The following CSMD1 variants were observed in gnomAD, a reference collection of about 807,000 sequenced individuals.
CSMD1 encodes CUB and Sushi multiple domains 1.
A neutral mutation model predicts 417.5 loss-of-function variants in CSMD1; 213 were observed. The observed-to-expected ratio is 0.51, with a 90% CI of 0.46 to 0.57. CSMD1 has a LOEUF of 0.57. Among genes scored for constraint, CSMD1 ranks in the 20% least tolerant of loss-of-function variants. The pLI is 0.00. For synonymous variants in CSMD1, 2,862 were observed against 1,736.8 expected, an observed-to-expected ratio of 1.65 and a Z score of -16.11; for missense variants, 6,923 against 4,529.7, an observed-to-expected ratio of 1.53 and a Z score of -15.17.
chr8:3,457,448 T>A (rs559864373), intron 12 of CSMD1, among the ~76,000 whole-genome samples: 2 of 152,260 alleles, frequency 1.3e-5, no homozygotes, highest in South Asian at 4.1e-4. Context: ...GAAACGGAGC[T>A]CCACATGCTC....
At chr8:3,990,871 C>T (rs1388302310) in intron 5 of CSMD1, among the ~76,000 whole-genome samples, 1 of 152,112 alleles carries the variant, frequency 6.6e-6, no homozygotes, top group African/African-American at 2.4e-5. Context: ...CACAGAGAGC[C>T]ACCTTCTTTG....
At chr8:4,075,635 A>C (rs1349325337) in intron 3 of CSMD1, among the ~76,000 whole-genome samples, 1 of 152,180 alleles carries the variant, frequency 6.6e-6, no homozygotes, top group Non-Finnish European at 1.5e-5. Context: ...TATAACTCAC[A>C]CTGTGTTGGG....
chr8:4,351,880 T>A (rs532201648), intron 3 of CSMD1, among the ~76,000 whole-genome samples: 22 of 151,712 alleles, frequency 1.5e-4, no homozygotes, highest in Admixed American at 2.6e-4. Flanking sequence ...AGGACTTGTA[T>A]GTGGATTACG....
At chr8:4,060,105 G>A (rs567517775) in intron 3 of CSMD1, among the ~76,000 whole-genome samples, 3 of 152,154 alleles carry the variant, frequency 2.0e-5, no homozygotes, top group African/African-American at 2.4e-5. Context: ...ATGATCAAGT[G>A]GGCTTCATCC....
chr8:4,956,250 T>A (rs1809102594), intron 1 of CSMD1, among the ~76,000 whole-genome samples: 1 of 151,920 alleles, frequency 6.6e-6, no homozygotes, highest in African/African-American at 2.4e-5. Flanking sequence ...ACTCGCTATT[T>A]TTTTTTAATT....
At chr8:3,611,955 AT>A (rs963232412) in intron 8 of CSMD1, among the ~76,000 whole-genome samples, 2 of 152,140 alleles carry the variant, frequency 1.3e-5, no homozygotes, top group African/African-American at 4.8e-5. Context: ...TCATTTGCCA[AT>A]TTTTGTTATA....
At chr8:3,299,574 A>T (rs1804235607) in intron 25 of CSMD1, among the ~76,000 whole-genome samples, 1 of 152,112 alleles carries the variant, frequency 6.6e-6, no homozygotes, top group Non-Finnish European at 1.5e-5. Context: ...AGATAAAAGC[A>T]CGCCACCATA....
At chr8:4,115,562 T>C (rs995630710) in intron 3 of CSMD1, among the ~76,000 whole-genome samples, 27 of 152,204 alleles carry the variant, frequency 1.8e-4, no homozygotes, top group Admixed American at 1.4e-3. Context: ...ATTTATTATT[T>C]GGCTAATAAG....
intron 26 of CSMD1, among the ~76,000 whole-genome samples, chr8:3,270,792 A>T (rs895609544): frequency 6.6e-6 from 1 of 152,220 alleles, no homozygotes. Context: ...TGATAAAGAC[A>T]TACCCAAGAC....
intron 4 of CSMD1, among the ~76,000 whole-genome samples, chr8:4,005,306 A>G (rs955863225): frequency 5.3e-5 from 8 of 152,188 alleles, no homozygotes; most frequent in African/African-American, 9.7e-5. Context: ...AATAATAAAA[A>G]AAGTTTCAAG....
rs181236173 is a variant in CSMD1 at position 4,937,783 on chromosome 8, T to G, written c.85+56549A>C. On this transcript the variant is annotated intron_variant, in intron 1 of 69. Coordinates refer to ENST00000635120, the MANE Select transcript of CSMD1 (RefSeq NM_033225.6). ...GAGAAGTTTCTCACACAGTGGCGCG[T>G]GCACACACACACACACACACACAAC... Among the ~76,000 whole-genome samples, 850 of 141,352 alleles carry G rather than the reference T, an allele frequency of 6.0e-3. 9 individuals are homozygous for G. The highest frequency in any genetic ancestry group is 0.021 in the African/African-American group (825 of 39,348). 92.7% of individuals were successfully genotyped at this position (141,352 alleles called of 152,430 possible).
At chr8:4,855,755 G>C (rs557368196) in intron 1 of CSMD1, among the ~76,000 whole-genome samples, 1 of 151,836 alleles carries the variant, frequency 6.6e-6, no homozygotes, top group African/African-American at 2.4e-5. Context: ...CAAGAAATAA[G>C]GGACTATGTG....
intron 3 of CSMD1, among the ~76,000 whole-genome samples, chr8:4,235,616 G>T (rs938290283): frequency 1.3e-5 from 2 of 152,060 alleles, no homozygotes; most frequent in African/African-American, 2.4e-5. Flanking sequence ...CATGACACTG[G>T]CCTGCTCAAC....
At chr8:4,423,621 T>C (rs1032112730) in intron 2 of CSMD1, among the ~76,000 whole-genome samples, 49 of 152,170 alleles carry the variant, frequency 3.2e-4, no homozygotes, top group African/African-American at 1.1e-3. Flanking sequence ...TGTAAAGATA[T>C]AGGTTACTTC....
intron 2 of CSMD1, among the ~76,000 whole-genome samples, chr8:4,622,980 C>A (rs375555286): frequency 6.6e-6 from 1 of 151,976 alleles, no homozygotes; most frequent in African/African-American, 2.4e-5. Context: ...CACATGAAAT[C>A]AGGAAACACA....
At chr8:4,732,124 G>C (rs928245093) in intron 1 of CSMD1, among the ~76,000 whole-genome samples, 3 of 152,066 alleles carry the variant, frequency 2.0e-5, no homozygotes, top group African/African-American at 7.2e-5. Context: ...TGGCAAGTCT[G>C]AGATTCAGAG....
intron 1 of CSMD1, among the ~76,000 whole-genome samples, chr8:4,743,254 A>G (rs1810738630): frequency 6.6e-6 from 1 of 152,216 alleles, no homozygotes; most frequent in Non-Finnish European, 1.5e-5. Context: ...AAAATGTGTG[A>G]AAAATTTGAT....
intron 17 of CSMD1, among the ~76,000 whole-genome samples, chr8:3,389,173 C>G (rs1440408039): frequency 6.6e-6 from 1 of 152,040 alleles, no homozygotes; most frequent in Non-Finnish European, 1.5e-5. Flanking sequence ...CATTGGTAAA[C>G]TTTTGTCATG....
chr8:4,158,811 T>A (rs1190974704), intron 3 of CSMD1, among the ~76,000 whole-genome samples: 1 of 152,202 alleles, frequency 6.6e-6, no homozygotes, highest in African/African-American at 2.4e-5. Context: ...GTTTATCATA[T>A]GGGATGATGT....
Sources: allele counts gnomAD v4.1 joint callset (sites outside exome capture counted in the v4.1 genomes callset), GRCh38; gene constraint gnomAD v4.1.1; transcripts MANE v1.5; gene names NCBI Gene and HGNC (gene_info 2026-07-23, HGNC 2026-07-21).